GCN1: variants seen among roughly 807,000 people sequenced by gnomAD.
GCN1 encodes the protein GCN1 activator of EIF2AK4.
In GCN1, 90 loss-of-function variants were observed where a neutral mutation model predicts 288.4. The ratio of observed to expected loss-of-function variants is 0.31; its 90% confidence interval spans 0.26 to 0.37. The LOEUF is 0.37. GCN1 is among the 10% of genes least tolerant of loss of function. The probability of loss-of-function intolerance (pLI) is 1.00; values close to 1 mark genes in which losing one functional copy is unlikely to be tolerated. For synonymous variants in GCN1, 1,386 were observed against 1,420.2 expected, an observed-to-expected ratio of 0.98 and a Z score of 0.54; for missense variants, 2,586 against 3,419.9, an observed-to-expected ratio of 0.76 and a Z score of 6.08.
At position 120,145,309 on chromosome 12, in the gene GCN1, T is replaced by C; in HGVS notation, c.4969A>G (p.Ser1657Gly). The change falls in exon 39 of 58, where the codon AGC (serine) becomes GGC (glycine). Residue 1657 changes from serine to glycine, a missense_variant. Physicochemically the swap from Ser to Gly is moderately conservative, Grantham distance 56. Transcript: ENST00000300648. Reference sequence around the variant, plus strand: ...GATGCTTTCAGGCCAGGCGTCACGCTGGGCAGGTACGGAGCCAAGTCCTGC... The same window carrying C: ...GATGCTTTCAGGCCAGGCGTCACGCCGGGCAGGTACGGAGCCAAGTCCTGC... Reference protein sequence around the residue: ...DQKDLAPYLPSVTPGLKASLL... With the variant: ...DQKDLAPYLPGVTPGLKASLL... 4 of 1,598,950 alleles carry C rather than the reference T, an allele frequency of 2.5e-6. No individual in the cohort carries two copies. Among genetic ancestry groups the C allele is most frequent in the Non-Finnish European group, 3.4e-6 (4 of 1,172,738 alleles).
intron 55 of GCN1, 121 bp downstream of exon 55, chr12:120,131,064 C>T: frequency 1.2e-6 from 1 of 852,838 alleles, no homozygotes; most frequent in Non-Finnish European, 1.9e-6. Context: ...AAGTTACTGA[C>T]AAAGGTAAAA....
At chr12:120,175,284 C>A (rs1405113841) in intron 11 of GCN1, 72 bp from the exon 12 acceptor site, 1 of 1,300,452 alleles carries the variant, frequency 7.7e-7, no homozygotes, top group Non-Finnish European at 1.1e-6. Context: ...AATGCAGTCA[C>A]GTGTGTGATG....
chr12:120,130,192 C>T (rs920808498), intron 56 of GCN1, among the ~76,000 whole-genome samples: 2 of 152,166 alleles, frequency 1.3e-5, no homozygotes, highest in East Asian at 1.9e-4. Context: ...TTCAGAAGCA[C>T]GCCATATCAC....
chr12:120,159,441 G>A (rs562246965), intron 24 of GCN1, among the ~76,000 whole-genome samples: 3 of 152,228 alleles, frequency 2.0e-5, no homozygotes, highest in Non-Finnish European at 4.4e-5. Flanking sequence ...CTAAGAGGAA[G>A]CTAAAGGTCT....
intron 14 of GCN1, among the ~76,000 whole-genome samples, chr12:120,173,369 T>G (rs567031657): frequency 9.2e-5 from 14 of 152,248 alleles, no homozygotes; most frequent in Admixed American, 2.6e-4. Flanking sequence ...CTTATCTGAG[T>G]CATTTCTCCA....
Position 120,174,117 on chromosome 12 carries a change from C to A in GCN1, c.1146G>T (p.Leu382=). 1.2e-6 allele frequency: 2 copies of A among 1,610,352 alleles called. No individual in the cohort carries two copies. Among genetic ancestry groups the A allele is most frequent in the Non-Finnish European group, 1.7e-6 (2 of 1,176,524 alleles). The change falls in exon 13 of 58, where the codon CTG becomes CTT. Residue 382 remains leucine (L), a synonymous_variant. Transcript: ENST00000300648. Reference sequence around the variant, plus strand: ...TGAACAGCTCAGCCACGATCCCATTCAGGACCTGACTGGAAGGTCCAGACA... The same window carrying A: ...TGAACAGCTCAGCCACGATCCCATTAAGGACCTGACTGGAAGGTCCAGACA... ...HVVSGPSSQV[L]NGIVAELFIP...
intron 1 of GCN1, among the ~76,000 whole-genome samples, chr12:120,190,775 A>G (rs1878979038): frequency 6.6e-6 from 1 of 152,142 alleles, no homozygotes; most frequent in Non-Finnish European, 1.5e-5. Context: ...TGAAAAGAAA[A>G]TATCCCTTCA....
rs780163133 is a variant in GCN1, at chr12:120,156,504, G to C, written c.3269C>G (p.Ala1090Gly). 1.9e-6 allele frequency: 3 copies of C among 1,614,024 alleles called. No individual in the cohort carries two copies. Among genetic ancestry groups the C allele is most frequent in the Non-Finnish European group, 2.5e-6 (3 of 1,179,982 alleles). Residue 1090 changes from alanine to glycine, a missense_variant, in exon 28 of 58, where the codon GCC (alanine) becomes GGC (glycine). By Grantham distance (60) the Ala-to-Gly change is moderately conservative. Coordinates refer to ENST00000300648, the MANE Select transcript of GCN1 (RefSeq NM_006836.2). This position sits in a 1 kb window ranked among gnomAD's most constrained non-coding sequence, Gnocchi z 5.8. ...CACGCTGGCACACGGGGACTGCAAG[G>C]CACAGAGCAGCACGTCCACCTCCTC... ...EQEEVDVLLC[A>G]LQSPCASVRE...
Position 120,148,222 on chromosome 12 carries a change from A to G in GCN1, c.4671T>C (p.Ala1557=). 1.9e-6 allele frequency: 3 copies of G among 1,614,140 alleles called. No individual in the cohort carries two copies. Among genetic ancestry groups the G allele is most frequent in the Middle Eastern group, 1.6e-4 (1 of 6,062 alleles). The change falls in exon 37 of 58, where the codon GCT becomes GCC. Residue 1557 remains alanine, a synonymous_variant. Transcript: ENST00000300648. ...CGATCTGCCTGAGCGCCTGCTGTCC[A>G]GCCTTCTGGACTTTGACATGGGAGT... ...LTDSHVKVQK[A]GQQALRQIGS... is the part of the protein sequence containing the mutation.
chr12:120,170,960 G>C (rs1878294843), intron 14 of GCN1, among the ~76,000 whole-genome samples: 1 of 151,028 alleles, frequency 6.6e-6, no homozygotes, highest in South Asian at 2.1e-4. Flanking sequence ...AGGAATTCCA[G>C]ACCAGCCTGA....
In GCN1 at chr12:120,194,677, C is replaced by T. The variant is rs1211216364; in HGVS notation, c.18+3G>A. 1 of 1,514,462 alleles carries T rather than the reference C, an allele frequency of 6.6e-7. No homozygotes were observed. 93.8% of individuals were successfully genotyped at this position (1,514,462 alleles called of 1,614,324 possible). A position where few individuals can be genotyped will look rare whatever the true frequency, so the allele number is the denominator to read the frequency against. ...GCGTTGGCCCCGCAGCCGCCCGCCT[C>T]ACCTGCGTGTCCGCCGCCATCCTGC... On this transcript the variant is annotated splice_donor_region_variant and intron_variant, in intron 1 of 57. Coordinates refer to ENST00000300648, the MANE Select transcript of GCN1 (RefSeq NM_006836.2).
rs754690239 is a variant in GCN1, at chr12:120,177,711, G to A, written c.702C>T (p.Ser234=). 2.5e-5 allele frequency: 40 copies of A among 1,613,410 alleles called. No homozygotes were observed. In the South Asian group the frequency reaches 3.1e-4, roughly 12 times the overall value. Residue 234 remains serine (S), a synonymous_variant, in exon 8 of 58, where the codon AGC becomes AGT. Transcript: ENST00000300648. ...ACAGGTACTTCGGAGGCTTGACTTT[G>A]CTCATCAGGATGTTCTTCATGTAAA... ...LDFYMKNILM[S]KVKPPKYLLD...
At position 120,137,576 on chromosome 12, in the gene GCN1, T is replaced by C. The variant is rs1351165873; in HGVS notation, c.6632A>G (p.Glu2211Gly). ...FNDSSPVVLE[E>G]SWDALNAITK... ...GATGGCATTTAGGGCATCCCAGCTC[T>C]CCTCCAGAACCACAGGGCTGGAGTC... is the stretch of plus-strand genomic sequence containing the variant. Residue 2211 changes from glutamate to glycine, a missense_variant, in exon 49 of 58, where the codon GAG becomes GGG. Coordinates refer to ENST00000300648, the MANE Select transcript of GCN1 (RefSeq NM_006836.2). The surrounding 1 kb of genome is among the most constrained non-coding windows in gnomAD (Gnocchi z 5.2). 1.9e-6 allele frequency: 3 copies of C among 1,614,202 alleles called. No individual in the cohort carries two copies. Among genetic ancestry groups the C allele is most frequent in the Non-Finnish European group, 2.5e-6 (3 of 1,180,024 alleles).
At position 120,163,165 on chromosome 12, in the gene GCN1, C is replaced by T; in HGVS notation, c.1943G>A (p.Cys648Tyr). The change falls in exon 19 of 58, where the codon TGT becomes TAT. Residue 648 changes from cysteine to tyrosine, a missense_variant. Transcript: ENST00000300648. ...GAGCCCTGGCACACCGGAGATGACA[C>T]ACAGAGCCTCCTGCAGGACCCGTGG... ...VPPRVLQEAL[C>Y]VISGVPGLKG... 1 of 1,614,216 alleles carries T rather than the reference C, an allele frequency of 6.2e-7. No individual in the cohort carries two copies. Among genetic ancestry groups the T allele is most frequent in the Non-Finnish European group, 8.5e-7 (1 of 1,180,026 alleles).
intron 54 of GCN1, 122 bp downstream of exon 54, chr12:120,131,804 C>T (rs923304502): frequency 1.5e-6 from 1 of 674,656 alleles, no homozygotes; most frequent in Non-Finnish European, 2.7e-6. Context: ...CTGCTGGATT[C>T]CCAAGGAAAG....
At chr12:120,154,019 T>C (rs1877657949) in intron 31 of GCN1, 110 bp from the exon 32 acceptor site, 3 of 865,162 alleles carry the variant, frequency 3.5e-6, no homozygotes, top group Admixed American at 2.4e-5. Context: ...AGGCAAACAC[T>C]GTTTTGGGGG....
At chr12:120,171,506 C>G (rs1015670848) in intron 14 of GCN1, among the ~76,000 whole-genome samples, 5 of 152,088 alleles carry the variant, frequency 3.3e-5, no homozygotes, top group African/African-American at 4.8e-5. Flanking sequence ...TTTCTTCCCC[C>G]CTACCCCAAC....
At chr12:120,146,485 C>A (rs1176559821) in intron 38 of GCN1, among the ~76,000 whole-genome samples, 1 of 152,078 alleles carries the variant, frequency 6.6e-6, no homozygotes, top group Non-Finnish European at 1.5e-5. Context: ...CCCATTTCAG[C>A]ATCCCAAAGT....
Position 120,156,499 on chromosome 12 carries a change from G to T in GCN1, c.3274C>A (p.Gln1092Lys). Residue 1092 changes from glutamine to lysine, a missense_variant, in exon 28 of 58, where the codon CAG (glutamine) becomes AAG (lysine). Coordinates refer to ENST00000300648, the MANE Select transcript of GCN1 (RefSeq NM_006836.2). The surrounding 1 kb of genome is among the most constrained non-coding windows in gnomAD (Gnocchi z 5.8). ...TCCCGCACGCTGGCACACGGGGACT[G>T]CAAGGCACAGAGCAGCACGTCCACC... ...EEVDVLLCAL[Q>K]SPCASVRETV... 1 of 1,613,982 alleles carries T rather than the reference G, an allele frequency of 6.2e-7. No individual in the cohort carries two copies. Among genetic ancestry groups the T allele is most frequent in the Non-Finnish European group, 8.5e-7 (1 of 1,179,956 alleles).
Sources: gnomAD v4.1 joint callset for allele counts (sites outside exome capture counted in the v4.1 genomes callset) on GRCh38, gnomAD v4.1.1 for gene constraint, Gnocchi (gnomAD v3.1) non-coding constraint, MANE v1.5 for transcripts, NCBI Gene and HGNC (gene_info 2026-07-23, HGNC 2026-07-21) for gene names.